The following CACHD1 variants were observed in gnomAD, a reference collection of about 807,000 sequenced individuals.
CACHD1 encodes the protein cache domain containing 1, also known as VWFA and cache domain-containing protein 1.
A neutral mutation model predicts 138.7 loss-of-function variants in CACHD1; 71 were observed. That is an observed-to-expected ratio of 0.51 (90% CI 0.42 to 0.62). The LOEUF (loss-of-function observed/expected upper bound fraction) is 0.62. Ranked by LOEUF, CACHD1 falls within the 20% of genes least tolerant of loss-of-function variation. The pLI, the probability that CACHD1 is intolerant of heterozygous loss-of-function variation, is 0.00. For missense variants in CACHD1, 1,389 were observed against 1,625.3 expected, an observed-to-expected ratio of 0.85 and a Z score of 2.50; for synonymous variants, 578 against 591.5, an observed-to-expected ratio of 0.98 and a Z score of 0.33.
chr1:64,555,546 G>A (rs1000651869), intron 2 of CACHD1, among the ~76,000 whole-genome samples: 6 of 151,886 alleles, frequency 4.0e-5, no homozygotes, highest in East Asian at 1.9e-4. Context: ...TTAGCCTCCC[G>A]AGGAGCCGGG....
At chr1:64,600,136 C>G (rs757863677) in intron 3 of CACHD1, among the ~76,000 whole-genome samples, 51 of 152,078 alleles carry the variant, frequency 3.4e-4, no homozygotes, top group Non-Finnish European at 5.1e-4. Flanking sequence ...GAGCAAAGTC[C>G]AGATGTCAGC....
At chr1:64,553,776 T>C (rs1646777245) in intron 2 of CACHD1, among the ~76,000 whole-genome samples, 1 of 152,182 alleles carries the variant, frequency 6.6e-6, no homozygotes, top group South Asian at 2.1e-4. Context: ...TTGCATTTTT[T>C]TGTTTTGATT....
chr1:64,593,941 T>C (rs1647128475), intron 3 of CACHD1, among the ~76,000 whole-genome samples: 1 of 152,180 alleles, frequency 6.6e-6, no homozygotes, highest in Admixed American at 6.5e-5. Context: ...TCTGCCCACC[T>C]CCCTCATCCC....
chr1:64,546,205 A>G (rs1646717003), intron 1 of CACHD1, among the ~76,000 whole-genome samples: 11 of 152,180 alleles, frequency 7.2e-5, no homozygotes, highest in Admixed American at 7.2e-4. Context: ...GGAAAGTGAC[A>G]ACTTGGAATA....
intron 4 of CACHD1, among the ~76,000 whole-genome samples, chr1:64,622,930 T>A (rs1207011174): frequency 6.6e-6 from 1 of 152,188 alleles, no homozygotes; most frequent in Non-Finnish European, 1.5e-5. Context: ...TATAGACCCA[T>A]GAAATCACAC....
At chr1:64,478,033 A>G (rs1304100540) in intron 1 of CACHD1, among the ~76,000 whole-genome samples, 1 of 152,192 alleles carries the variant, frequency 6.6e-6, no homozygotes, top group African/African-American at 2.4e-5. Context: ...AATGTTTTAT[A>G]ATATGTATAA....
At chr1:64,625,818 T>A (rs192447918) in intron 4 of CACHD1, among the ~76,000 whole-genome samples, 268 of 152,298 alleles carry the variant, frequency 1.8e-3, no homozygotes, top group Non-Finnish European at 2.8e-3. Flanking sequence ...TGGATTTTGC[T>A]CTATTCTGAT....
At chr1:64,650,070 G>C (rs1324223453) in intron 9 of CACHD1, among the ~76,000 whole-genome samples, 8 of 152,106 alleles carry the variant, frequency 5.3e-5, no homozygotes, top group African/African-American at 1.9e-4. Context: ...AAATCTATGT[G>C]CTTTAGGTTA....
In CACHD1 at chr1:64,565,031, A is replaced by C. The variant is rs185466715; in HGVS notation, c.261+14375A>C. ...CTGGCACCTCAATATTCATATTTCC[A>C]GGATCTGGATTTGTTTCGGGTTGCC... is the stretch of plus-strand genomic sequence containing the variant. On this transcript the variant is annotated intron_variant, in intron 2 of 26. Transcript: ENST00000651257. Among the ~76,000 whole-genome samples, 250 of 150,542 alleles carry C rather than the reference A, an allele frequency of 1.7e-3. 2 individuals are homozygous for C. Among genetic ancestry groups the C allele is most frequent in the East Asian group, 0.014 (72 of 5,128 alleles).
At chr1:64,665,342 C>T (rs1649594375) in intron 15 of CACHD1, among the ~76,000 whole-genome samples, 1 of 151,928 alleles carries the variant, frequency 6.6e-6, no homozygotes, top group South Asian at 2.1e-4. Flanking sequence ...CACCTGTAGT[C>T]CCAGCTACTC....
intron 25 of CACHD1, 59 bp downstream of exon 25, chr1:64,681,394 T>C: frequency 7.7e-7 from 1 of 1,297,354 alleles, no homozygotes; most frequent in Non-Finnish European, 1.1e-6. Context: ...CCAGAATAAA[T>C]ATTCTTTCTT....
At chr1:64,549,988 G>GTGTGTGCT (rs1207374565) in intron 1 of CACHD1, among the ~76,000 whole-genome samples, 2 of 152,128 alleles carry the variant, frequency 1.3e-5, no homozygotes, top group Non-Finnish European at 1.5e-5. Flanking sequence ...GTGGAAGAAT[G>GTGTGTGCT]TGTGTGCTTG....
At chr1:64,556,403 G>T (rs1646797203) in intron 2 of CACHD1, among the ~76,000 whole-genome samples, 1 of 152,084 alleles carries the variant, frequency 6.6e-6, no homozygotes, top group South Asian at 2.1e-4. Context: ...TTTATGCTTG[G>T]TTTTGTATAT....
At chr1:64,620,063 G>A (rs1229975126) in intron 4 of CACHD1, among the ~76,000 whole-genome samples, 1 of 151,794 alleles carries the variant, frequency 6.6e-6, no homozygotes, top group Non-Finnish European at 1.5e-5. Flanking sequence ...TATCTGCTTG[G>A]CACCCTGGGA....
intron 4 of CACHD1, among the ~76,000 whole-genome samples, chr1:64,625,240 AAAT>A (rs1299436123): frequency 6.6e-6 from 1 of 152,184 alleles, no homozygotes; most frequent in African/African-American, 2.4e-5. Context: ...AGTGGGAGCT[AAAT>A]AATGTGTGCA....
chr1:64,648,669 T>C (rs1312564220), intron 9 of CACHD1, among the ~76,000 whole-genome samples: 1 of 152,206 alleles, frequency 6.6e-6, no homozygotes, highest in Non-Finnish European at 1.5e-5. Flanking sequence ...TTTGTTGTTA[T>C]CATTGTTATT....
chr1:64,609,393 G>A (rs1647448664), intron 4 of CACHD1, among the ~76,000 whole-genome samples: 1 of 152,126 alleles, frequency 6.6e-6, no homozygotes. Flanking sequence ...ACATTTAAAA[G>A]CTGTTTAGTC....
intron 1 of CACHD1, among the ~76,000 whole-genome samples, chr1:64,507,191 C>T (rs1335748330): frequency 1.3e-5 from 2 of 152,200 alleles, no homozygotes; most frequent in Non-Finnish European, 2.9e-5. Flanking sequence ...TCACAGCTAC[C>T]TCCCCGGAAC....
In CACHD1 at chr1:64,677,027, T is replaced by G. The variant is rs1220943382; in HGVS notation, c.3092+16T>G. On this transcript the variant is annotated intron_variant, in intron 22 of 26. Transcript: ENST00000651257. The stretch of plus-strand genomic sequence containing the variant: ...TGGAAAGTGGGTAAGCAGAATCTAG[T>G]AAAGAATTGAGGTTTTCCAGCTAAT... 1.9e-6 allele frequency: 3 copies of G among 1,574,114 alleles called. No homozygotes were observed. The highest frequency in any genetic ancestry group is 2.6e-6 in the Non-Finnish European group (3 of 1,147,610).
Sources: gnomAD v4.1 joint callset for allele counts (sites outside exome capture counted in the v4.1 genomes callset) on GRCh38, gnomAD v4.1.1 for gene constraint, MANE v1.5 for transcripts, NCBI Gene and HGNC (gene_info 2026-07-23, HGNC 2026-07-21) for gene names.